The following EPHB1 variants were observed in gnomAD, a reference collection of about 807,000 sequenced individuals.
EPHB1 encodes the protein ephrin type-B receptor 1.
Under a neutral mutation model 94.4 loss-of-function variants are expected in EPHB1, and 30 were observed. The observed-to-expected ratio is 0.32, with a 90% CI of 0.24 to 0.43. The LOEUF (loss-of-function observed/expected upper bound fraction) is 0.43. Ranked by LOEUF, EPHB1 falls within the 20% of genes least tolerant of loss-of-function variation. The pLI is 1.00. For missense variants in EPHB1, 1,055 were observed against 1,308.3 expected, an observed-to-expected ratio of 0.81 and a Z score of 2.99; for synonymous variants, 522 against 489.1, an observed-to-expected ratio of 1.07 and a Z score of -0.89.
intron 3 of EPHB1, among the ~76,000 whole-genome samples, chr3:135,090,257 T>C (rs552671247): frequency 6.6e-6 from 1 of 152,256 alleles, no homozygotes; most frequent in South Asian, 2.1e-4. Flanking sequence ...AAGGAGGGTG[T>C]CCTCCCTATT....
chr3:135,067,921 A>G (rs1937603894), intron 3 of EPHB1: 1 of 152,174 alleles, frequency 6.6e-6, no homozygotes, highest in South Asian at 2.1e-4. Flanking sequence ...GCTCCAGGTA[A>G]GGTCGGAATC....
At chr3:135,247,697 G>GTCA (rs1181638986) in intron 13 of EPHB1, among the ~76,000 whole-genome samples, 1 of 152,090 alleles carries the variant, frequency 6.6e-6, no homozygotes, top group Non-Finnish European at 1.5e-5. Flanking sequence ...TTTGACTGTT[G>GTCA]TCATTGATTT....
At chr3:134,879,596 G>A (rs1578164177) in intron 1 of EPHB1, among the ~76,000 whole-genome samples, 1 of 152,170 alleles carries the variant, frequency 6.6e-6, no homozygotes, top group East Asian at 1.9e-4. Flanking sequence ...AGGTTGCAGT[G>A]AGCCCAGATC....
chr3:135,004,800 T>C (rs980860893), intron 3 of EPHB1, among the ~76,000 whole-genome samples: 3 of 151,958 alleles, frequency 2.0e-5, no homozygotes, highest in African/African-American at 7.3e-5. Context: ...GCCTTGGTTT[T>C]CAGCTCCATC....
chr3:135,249,347 C>T lies in EPHB1; in HGVS notation c.2702C>T (p.Pro901Leu), dbSNP rs746236958. 4.7e-5 allele frequency: 76 copies of T among 1,612,260 alleles called. No individual in the cohort carries two copies. The highest frequency in any genetic ancestry group is 5.9e-5 in the Non-Finnish European group (70 of 1,179,214). ...VATITAVPSQ[P>L]LLDRSIPDFT... ...CTCTGTCTCACCAGGCCTTCCCAGC[C>T]CCTGCTCGACCGCTCCATCCCAGAC... Residue 901 changes from proline (P) to leucine (L), a missense_variant, in exon 15 of 16, where the codon CCC becomes CTC. Coordinates refer to ENST00000398015, the MANE Select transcript of EPHB1 (RefSeq NM_004441.5).
rs373293977 is a variant in EPHB1, at chr3:135,132,842, C to T, written c.1090C>T (p.Arg364Trp). ...CTACAACATCATCTGCAAAAAGTGC[C>T]GGGCAGACCGCCGGAGCTGCTCCCG... is the stretch of plus-strand genomic sequence containing the variant. ...VTYNIICKKC[R>W]ADRRSCSRCD... The change falls in exon 5 of 16, where the codon CGG becomes TGG. Residue 364 changes from arginine (R) to tryptophan (W), a missense_variant. Arg to Trp is a moderately radical substitution (Grantham distance 101). Coordinates refer to ENST00000398015, the MANE Select transcript of EPHB1 (RefSeq NM_004441.5). The T allele has an allele frequency of 1.4e-5, 23 of 1,613,988 alleles. No homozygotes were observed. Among genetic ancestry groups the T allele is most frequent in the African/African-American group, 5.3e-5 (4 of 75,056 alleles).
At chr3:135,246,600 C>T (rs2107730366) in intron 13 of EPHB1, among the ~76,000 whole-genome samples, 1 of 152,238 alleles carries the variant, frequency 6.6e-6, no homozygotes, top group South Asian at 2.1e-4. Flanking sequence ...TAGATGTGTG[C>T]CCCTGGGCAA....
chr3:135,237,825 G>T (rs1204738747), intron 12 of EPHB1, among the ~76,000 whole-genome samples: 1 of 152,172 alleles, frequency 6.6e-6, no homozygotes, highest in African/African-American at 2.4e-5. Context: ...GGAGCTGGGG[G>T]CTCTTAGGGC....
At chr3:134,938,193 C>T (rs1033643596) in intron 2 of EPHB1, among the ~76,000 whole-genome samples, 1 of 152,160 alleles carries the variant, frequency 6.6e-6, no homozygotes, top group African/African-American at 2.4e-5. Context: ...GCAGTGTCAA[C>T]AGCAGCAGCA....
At chr3:135,167,190 G>A (rs979475695) in intron 9 of EPHB1, among the ~76,000 whole-genome samples, 184 bp downstream of exon 9, 6 of 152,168 alleles carry the variant, frequency 3.9e-5, no homozygotes, top group Non-Finnish European at 5.9e-5. Context: ...CCCATCTGCC[G>A]TCTACCTGTC....
chr3:135,256,445 C>G (rs949357823), intron 15 of EPHB1, among the ~76,000 whole-genome samples: 5 of 152,140 alleles, frequency 3.3e-5, no homozygotes, highest in South Asian at 2.1e-4. Flanking sequence ...ATTTGCTTGT[C>G]TGTAAAGTAT....
intron 3 of EPHB1, among the ~76,000 whole-genome samples, chr3:134,983,526 TG>T (rs1934489679): frequency 6.6e-6 from 1 of 152,178 alleles, no homozygotes; most frequent in Admixed American, 6.5e-5. Flanking sequence ...GGGGTCATGT[TG>T]GGGAGGCAGA....
At chr3:135,103,669 T>G (rs1167039800) in intron 3 of EPHB1, among the ~76,000 whole-genome samples, 2 of 152,254 alleles carry the variant, frequency 1.3e-5, no homozygotes, top group Non-Finnish European at 2.9e-5. Flanking sequence ...TTCACCAAGC[T>G]AGGAGCTGGC....
At chr3:134,805,534 G>A (rs1270817387) in intron 1 of EPHB1, among the ~76,000 whole-genome samples, 1 of 152,060 alleles carries the variant, frequency 6.6e-6, no homozygotes, top group African/African-American at 2.4e-5. Context: ...GGTCCACCTT[G>A]CCTCCTGCCC....
chr3:135,095,254 G>A (rs977446317), intron 3 of EPHB1, among the ~76,000 whole-genome samples: 1 of 152,118 alleles, frequency 6.6e-6, no homozygotes, highest in Non-Finnish European at 1.5e-5. Flanking sequence ...GGACAGCAGG[G>A]ACACAAGCGG....
chr3:135,182,968 C>CTT (rs199780379), intron 10 of EPHB1, among the ~76,000 whole-genome samples: 3,231 of 146,976 alleles, frequency 0.022, 68 homozygotes, highest in Non-Finnish European at 0.031. Context: ...CGTTTCTTTT[C>CTT]TCTTTTCTTT....
At chr3:135,015,930 C>T (rs998408219) in intron 3 of EPHB1, among the ~76,000 whole-genome samples, 2 of 152,172 alleles carry the variant, frequency 1.3e-5, no homozygotes, top group Non-Finnish European at 2.9e-5. Context: ...AAGATCTTGG[C>T]AGTGTCAAGG....
intron 5 of EPHB1, among the ~76,000 whole-genome samples, chr3:135,138,934 G>T (rs936789087): frequency 1.3e-5 from 2 of 152,216 alleles, no homozygotes; most frequent in African/African-American, 2.4e-5. Context: ...CAGAGGGTCG[G>T]CAGATGGCAC....
chr3:135,243,139 AG>A (rs1401125860), intron 13 of EPHB1, among the ~76,000 whole-genome samples: 3 of 152,070 alleles, frequency 2.0e-5, no homozygotes, highest in Admixed American at 6.5e-5. Flanking sequence ...ATCCTGCCCA[AG>A]ACCTTAATCT....
Sources: allele counts gnomAD v4.1 joint callset (sites outside exome capture counted in the v4.1 genomes callset), GRCh38; gene constraint gnomAD v4.1.1; transcripts MANE v1.5; gene names NCBI Gene and HGNC (gene_info 2026-07-23, HGNC 2026-07-21).